Variants in GPR157 observed in about 807,000 individuals in gnomAD.
GPR157 encodes G-protein coupled receptor 157.
A neutral mutation model predicts 23.5 loss-of-function variants in GPR157; 16 were observed. The observed-to-expected ratio is 0.68, with a 90% CI of 0.46 to 1.04. The LOEUF is 1.04. GPR157 is among the 50% of genes least tolerant of loss of function. The pLI is 0.00. For missense variants in GPR157, 440 were observed against 460.7 expected, an observed-to-expected ratio of 0.96 and a Z score of 0.41; for synonymous variants, 200 against 221.5, an observed-to-expected ratio of 0.90 and a Z score of 0.86.
Position 9,100,920 on chromosome 1 carries a change from G to A in GPR157, c.*3499C>T, listed in dbSNP as rs994006159. On this transcript the variant is annotated 3_prime_UTR_variant, in exon 4 of 4. Transcript: ENST00000377411. ...GAGCTGAGGTGGGAGGATCGCTTGA[G>A]CCTGGGAGGTGGAGGCTGCAGTGAG... 1 of 152,324 alleles carries A rather than the reference G, an allele frequency of 6.6e-6. No individual in the cohort carries two copies. The highest frequency in any genetic ancestry group is 1.5e-5 in the Non-Finnish European group (1 of 68,136). 9.4% of individuals were successfully genotyped at this position (152,324 alleles called of 1,614,324 possible).
At chr1:9,117,876 C>T (rs79897847) in intron 1 of GPR157, among the ~76,000 whole-genome samples, 3,245 of 152,218 alleles carry the variant, frequency 0.021, 124 homozygotes, top group African/African-American at 0.073. Flanking sequence ...GAAGCCACCA[C>T]CCCAAAAAAA....
intron 1 of GPR157, among the ~76,000 whole-genome samples, chr1:9,126,874 TTTTTC>T (rs1158274114): frequency 2.0e-5 from 3 of 152,140 alleles, no homozygotes; most frequent in Non-Finnish European, 4.4e-5. Context: ...CGTTGCTTGT[TTTTTC>T]TTTTCTTTTT....
At chr1:9,124,128 C>T (rs1420706491) in intron 1 of GPR157, among the ~76,000 whole-genome samples, 1 of 152,064 alleles carries the variant, frequency 6.6e-6, no homozygotes, top group Non-Finnish European at 1.5e-5. Context: ...CTGTGCCCAA[C>T]CTAAAAATAA....
chr1:9,120,303 T>C lies in GPR157; in HGVS notation c.383+8342A>G, dbSNP rs558938952. ...AAACTTCATCCTTCCTACAGATCTC[T>C]GGGGGCTGGCACCTGCCAGGAGGAA... is the stretch of plus-strand genomic sequence containing the variant. On this transcript the variant is annotated intron_variant, in intron 1 of 3. Transcript: ENST00000377411. The surrounding 1 kb of genome is among the most constrained non-coding windows in gnomAD (Gnocchi z 4.1). Among the ~76,000 whole-genome samples the C allele has an allele frequency of 1.3e-5, 2 of 152,186 alleles. No individual in the cohort carries two copies. The highest frequency in any genetic ancestry group is 3.9e-4 in the East Asian group (2 of 5,186).
At position 9,123,163 on chromosome 1, in the gene GPR157, G is replaced by GGTAAA. The variant is rs374439585; in HGVS notation, c.383+5481_383+5482insTTTAC. Among the ~76,000 whole-genome samples, 426 of 87,534 alleles carry GGTAAA rather than the reference G, an allele frequency of 4.9e-3. 9 individuals carry two copies. Among genetic ancestry groups the GGTAAA allele is most frequent in the African/African-American group, 0.017 (398 of 23,046 alleles). 57.4% of individuals were successfully genotyped at this position (87,534 alleles called of 152,430 possible). A position where few individuals can be genotyped will look rare whatever the true frequency, so the allele number is the denominator to read the frequency against. On this transcript the variant is annotated intron_variant, in intron 1 of 3. Transcript: ENST00000377411. ...ACAAGAGTGAAACTGTCTTGGGTGG[G>GGTAAA]AAAAAAAAAAAATATATATATATAT...
rs762765741 is a variant in GPR157, at chr1:9,128,696, G to T, written c.332C>A (p.Ala111Asp). 7.4e-6 allele frequency: 12 copies of T among 1,613,140 alleles called. No individual in the cohort carries two copies. Among genetic ancestry groups the T allele is most frequent in the Non-Finnish European group, 1.0e-5 (12 of 1,179,942 alleles). Residue 111 changes from alanine to aspartate, a missense_variant, in exon 1 of 4, where the codon GCC (alanine) becomes GAC (aspartate). By Grantham distance (126) the Ala-to-Asp change is moderately radical. Coordinates refer to ENST00000377411, the MANE Select transcript of GPR157 (RefSeq NM_024980.5). This position sits in a 1 kb window ranked among gnomAD's most constrained non-coding sequence, Gnocchi z 6.3. ...GCGATCTGTGCGAGGCCCGCGCGCG[G>T]CGCGGACGATGCTGAGGTACAAGTA... ...ALYLYLSIVR[A>D]ARGPRTDRLL...
rs561804538 is a variant in GPR157 at position 9,116,474 on chromosome 1, T to C, written c.384-4985A>G. The stretch of plus-strand genomic sequence containing the variant: ...AGCTTTGAGTATTTATGGCTTTTTT[T>C]TTTTATTTTATTATTCCCAGCACTT... On this transcript the variant is annotated intron_variant, in intron 1 of 3. Transcript: ENST00000377411. Among the ~76,000 whole-genome samples, 9 of 136,666 alleles carry C rather than the reference T, an allele frequency of 6.6e-5. No homozygotes were observed. The South Asian group carries it at 2.0e-3, about 30-fold the overall frequency. 89.7% of individuals were successfully genotyped at this position (136,666 alleles called of 152,430 possible).
In GPR157 at chr1:9,116,791, G is replaced by C. The variant is rs538478506; in HGVS notation, c.384-5302C>G. ...GGGTCTTGCTCTGTTGCCCAGACTG[G>C]AGTGCAGTGGCATAGTCATGGCTCA... On this transcript the variant is annotated intron_variant, in intron 1 of 3. Coordinates refer to ENST00000377411, the MANE Select transcript of GPR157 (RefSeq NM_024980.5). Among the ~76,000 whole-genome samples the C allele has an allele frequency of 4.0e-4, 61 of 151,836 alleles. 1 individual carries two copies. In the East Asian group the frequency reaches 0.01, roughly 26 times the overall value.
chr1:9,122,161 C>T (rs1028829031), intron 1 of GPR157, among the ~76,000 whole-genome samples: 11 of 152,158 alleles, frequency 7.2e-5, no homozygotes, highest in Non-Finnish European at 1.0e-4. Context: ...GGGGAAATGA[C>T]CCCCTCCACA....
intron 1 of GPR157, among the ~76,000 whole-genome samples, chr1:9,122,670 G>C (rs1218759341): frequency 6.6e-6 from 1 of 152,100 alleles, no homozygotes; most frequent in Non-Finnish European, 1.5e-5. Context: ...GGAAGCACCA[G>C]ACAAACCCAA....
At position 9,101,232 on chromosome 1, in the gene GPR157, A is replaced by G. The variant is rs969397779; in HGVS notation, c.*3187T>C. ...CCAACTATTTTTTTTTTTTTTGTAT[A>G]TTTAGTAGAAACAGGGTTTCACCAT... On this transcript the variant is annotated 3_prime_UTR_variant, in exon 4 of 4. Coordinates refer to ENST00000377411, the MANE Select transcript of GPR157 (RefSeq NM_024980.5). The G allele has an allele frequency of 4.1e-5, 6 of 146,232 alleles. No homozygotes were observed. Among genetic ancestry groups the G allele is most frequent in the African/African-American group, 1.5e-4 (6 of 39,294 alleles). The allele number at this position is 146,232 out of a possible 1,614,324, so 9.1% of individuals were successfully genotyped here.
intron 1 of GPR157, among the ~76,000 whole-genome samples, chr1:9,119,670 G>A (rs942808715): frequency 1.2e-4 from 18 of 152,300 alleles, no homozygotes; most frequent in African/African-American, 1.9e-4. Context: ...GGTCAGGGAT[G>A]ACTTGGAAAC....
At chr1:9,110,153 A>T (rs560469223) in intron 2 of GPR157, among the ~76,000 whole-genome samples, 1 of 152,358 alleles carries the variant, frequency 6.6e-6, no homozygotes, top group Non-Finnish European at 1.5e-5. Flanking sequence ...CCAGGAGGGC[A>T]GGATCCATGT....
Position 9,123,794 on chromosome 1 carries a change from TTA to T in GPR157, c.383+4849_383+4850del, listed in dbSNP as rs1296412486. On this transcript the variant is annotated intron_variant, in intron 1 of 3. Coordinates refer to ENST00000377411, the MANE Select transcript of GPR157 (RefSeq NM_024980.5). Reference sequence around the variant, plus strand: ...TTTAATATTAAATATATATTTAATATTATATATATATAATATTAAATATATAT... The same window carrying T: ...TTTAATATTAAATATATATTTAATATTATATATATAATATTAAATATATAT... Among the ~76,000 whole-genome samples, 74 of 130,120 alleles carry T rather than the reference TTA, an allele frequency of 5.7e-4. 1 individual carries two copies. The highest frequency in any genetic ancestry group is 7.1e-4 in the Admixed American group (8 of 11,332). The allele number at this position is 130,120 out of a possible 152,430, so 85.4% of individuals were successfully genotyped here.
chr1:9,109,793 A>G (rs1371417080), intron 2 of GPR157, among the ~76,000 whole-genome samples: 1 of 152,212 alleles, frequency 6.6e-6, no homozygotes, highest in Non-Finnish European at 1.5e-5. Context: ...AGAACTGGTT[A>G]CATTTCCAAG....
chr1:9,106,437 G>A (rs1024295168), intron 2 of GPR157, among the ~76,000 whole-genome samples: 1 of 152,144 alleles, frequency 6.6e-6, no homozygotes, highest in South Asian at 2.1e-4. Flanking sequence ...CACTCCACAT[G>A]CTCCTTACGG....
rs532362251 is a variant in GPR157 at position 9,120,018 on chromosome 1, G to A, written c.384-8529C>T. Among the ~76,000 whole-genome samples, 5 of 152,218 alleles carry A rather than the reference G, an allele frequency of 3.3e-5. No homozygotes were observed. Among genetic ancestry groups the A allele is most frequent in the South Asian group, 2.1e-4 (1 of 4,818 alleles). On this transcript the variant is annotated intron_variant, in intron 1 of 3. Transcript: ENST00000377411. This position sits in a 1 kb window ranked among gnomAD's most constrained non-coding sequence, Gnocchi z 4.1. Reference sequence around the variant, plus strand: ...TGGGAGTTCCCAGCGCTGCCCAACCGGGGATCTTCTGTTGTGTGGTTCCTG... The same window carrying A: ...TGGGAGTTCCCAGCGCTGCCCAACCAGGGATCTTCTGTTGTGTGGTTCCTG...
rs1638357733 is a variant in GPR157 at position 9,107,031 on chromosome 1, A to T, written c.598-1351T>A. On this transcript the variant is annotated intron_variant, in intron 2 of 3. Transcript: ENST00000377411. ...GCACTTCCTAGACAGTCCCATCCTC[A>T]CGTTCCGCTTTTTATTTTAGTCTGT... 2.6e-5 allele frequency among the ~76,000 whole-genome samples: 4 copies of T among 152,234 alleles called. No individual in the cohort carries two copies. The South Asian group carries it at 8.3e-4, about 32-fold the overall frequency.
rs576250336 is a variant in GPR157 at position 9,105,615 on chromosome 1, G to A, written c.663C>T (p.Ser221=). 6.2e-7 allele frequency: 1 copy of A among 1,612,844 alleles called. No individual in the cohort carries two copies. Among genetic ancestry groups the A allele is most frequent in the East Asian group, 2.2e-5 (1 of 44,850 alleles). The change falls in exon 3 of 4, where the codon TCC becomes TCT. Residue 221 remains serine (S), a synonymous_variant. Coordinates refer to ENST00000377411, the MANE Select transcript of GPR157 (RefSeq NM_024980.5). This position sits in a 1 kb window ranked among gnomAD's most constrained non-coding sequence, Gnocchi z 4.8. ...TGAGCACCAGCTTCTTGTCCGCCAT[G>A]GAGGAGTGGCGCAGCAGGCGGTGCT... ...SQEHRLLRHS[S]MADKKLVLIP...
Sources: allele counts gnomAD v4.1 joint callset (sites outside exome capture counted in the v4.1 genomes callset), GRCh38; gene constraint gnomAD v4.1.1; non-coding constraint Gnocchi (gnomAD v3.1); transcripts MANE v1.5; gene names NCBI Gene and HGNC (gene_info 2026-07-23, HGNC 2026-07-21).